The following SLC29A3 variants were observed in gnomAD, a reference collection of about 807,000 sequenced individuals.
SLC29A3 encodes equilibrative nucleoside transporter 3.
SLC29A3 carries 18 observed loss-of-function variants against 25.4 expected under a neutral mutation model. The observed-to-expected ratio is 0.71, with a 90% CI of 0.49 to 1.05. SLC29A3 has a LOEUF of 1.05. SLC29A3 is among the 50% of genes least tolerant of loss of function. The probability of loss-of-function intolerance (pLI) is 0.00; values close to 1 mark genes in which losing one functional copy is unlikely to be tolerated. For synonymous variants in SLC29A3, 258 were observed against 267.1 expected (o/e 0.97, Z 0.33); for missense variants, 586 against 609.0 (o/e 0.96, Z 0.40).
intron 3 of SLC29A3, among the ~76,000 whole-genome samples, chr10:71,372,331 A>T (rs1847218016): frequency 6.6e-6 from 1 of 152,214 alleles, no homozygotes; most frequent in Admixed American, 6.5e-5. Flanking sequence ...ACTAAGACTC[A>T]CATAGCTGCT....
chr10:71,377,233 G>C (rs1485618950), intron 4 of SLC29A3, among the ~76,000 whole-genome samples: 1 of 152,220 alleles, frequency 6.6e-6, no homozygotes, highest in African/African-American at 2.4e-5. Context: ...GATGCTCCCG[G>C]AAGATGCTCT....
intron 3 of SLC29A3, among the ~76,000 whole-genome samples, chr10:71,345,781 C>T (rs754393036): frequency 2.6e-5 from 4 of 152,194 alleles, no homozygotes; most frequent in South Asian, 2.1e-4. Context: ...GTCCCGGCTG[C>T]GCCTCGCAGG....
chr10:71,351,588 C>A lies in SLC29A3; in HGVS notation c.410C>A (p.Ala137Asp). Residue 137 changes from alanine (A) to aspartate (D), a missense_variant, in exon 4 of 6, where the codon GCC (alanine) becomes GAC (aspartate). Physicochemically the swap from Ala to Asp is moderately radical, Grantham distance 126. Transcript: ENST00000373189. ...NRVAVHIRVLASLTVILAIFM... is the reference protein window; with the variant it reads ...NRVAVHIRVLDSLTVILAIFM... ...GTTGCAGTCCACATCCGTGTCCTGGCCTCACTGACGGTCATCCTGGCCATC... is the reference window on the plus strand; with the variant it reads ...GTTGCAGTCCACATCCGTGTCCTGGACTCACTGACGGTCATCCTGGCCATC... The A allele has an allele frequency of 6.2e-7, 1 of 1,614,264 alleles. No individual in the cohort carries two copies. The highest frequency in any genetic ancestry group is 8.5e-7 in the Non-Finnish European group (1 of 1,180,050).
At chr10:71,363,625 C>T (rs914794239), downstream of SLC29A3, among the ~76,000 whole-genome samples, 4 of 151,404 alleles carry the variant, frequency 2.6e-5, no homozygotes, top group Non-Finnish European at 5.9e-5. Context: ...CACCATGCCT[C>T]GCTAATTTCT....
At chr10:71,321,101 A>G (rs1017582874) in intron 1 of SLC29A3, among the ~76,000 whole-genome samples, 3 of 152,202 alleles carry the variant, frequency 2.0e-5, no homozygotes, top group African/African-American at 7.2e-5. Flanking sequence ...GACCTCTGTT[A>G]GGCACAGACC....
Position 71,359,184 on chromosome 10 carries a change from A to T in SLC29A3, c.774-2770A>T, listed in dbSNP as rs7913610. 6.5e-3 allele frequency among the ~76,000 whole-genome samples: 983 copies of T among 152,216 alleles called. 10 individuals carry two copies. Among genetic ancestry groups the T allele is most frequent in the African/African-American group, 0.022 (934 of 41,542 alleles). ...TCAGCCTCCCAAAGTGCTGGGATTGATTACAGGCACGAGCCACTGTGCCTG... is the reference window on the plus strand; with the variant it reads ...TCAGCCTCCCAAAGTGCTGGGATTGTTTACAGGCACGAGCCACTGTGCCTG... On this transcript the variant is annotated intron_variant, in intron 5 of 5. Coordinates refer to ENST00000373189, the MANE Select transcript of SLC29A3 (RefSeq NM_018344.6).
At chr10:71,349,779 A>G (rs886457027) in intron 3 of SLC29A3, among the ~76,000 whole-genome samples, 1 of 152,076 alleles carries the variant, frequency 6.6e-6, no homozygotes, top group Non-Finnish European at 1.5e-5. Context: ...CTCCCTGAAC[A>G]TGCCTCACTC....
At chr10:71,328,424 C>T (rs960532535) in intron 2 of SLC29A3, among the ~76,000 whole-genome samples, 4 of 152,186 alleles carry the variant, frequency 2.6e-5, no homozygotes, top group African/African-American at 7.2e-5. Context: ...GGAGACCGAG[C>T]GCTGGCTGGG....
rs1305802694 is a variant in SLC29A3 at position 71,376,291 on chromosome 10, G to A, written c.*211+480G>A. ...GGCCCTCAGTAGCTGCCAGGCACCT[G>A]GCTAAGACTGAACATCCTCTTGTCA... On this transcript the variant is annotated intron_variant and NMD_transcript_variant, in intron 4 of 4. Coordinates refer to the SLC29A3 transcript ENST00000642772. Among the ~76,000 whole-genome samples, 4 of 152,300 alleles carry A rather than the reference G, an allele frequency of 2.6e-5. No homozygotes were observed. The East Asian group carries it at 7.7e-4, about 29-fold the overall frequency.
intron 4 of SLC29A3, among the ~76,000 whole-genome samples, chr10:71,352,398 A>G (rs1268375771): frequency 7.3e-5 from 11 of 151,590 alleles, no homozygotes. Context: ...AGTCGCAGCT[A>G]TTTTTGGATA....
chr10:71,347,333 C>T lies in SLC29A3; in HGVS notation c.383+3042C>T, dbSNP rs182720501. On this transcript the variant is annotated intron_variant, in intron 3 of 5. Coordinates refer to ENST00000373189, the MANE Select transcript of SLC29A3 (RefSeq NM_018344.6). ...CTCACGAGTCAGGGAGTCGGGGGAC[C>T]GGCAACCTGGGTACTGGAGGCAGCC... 1.1e-4 allele frequency among the ~76,000 whole-genome samples: 16 copies of T among 152,222 alleles called. 1 individual carries two copies. Among genetic ancestry groups the T allele is most frequent in the Admixed American group, 5.9e-4 (9 of 15,278 alleles).
At position 71,362,438 on chromosome 10, in the gene SLC29A3, T is replaced by G; in HGVS notation, c.1258T>G (p.Ser420Ala). 1.2e-6 allele frequency: 2 copies of G among 1,614,108 alleles called. No homozygotes were observed. Among genetic ancestry groups the G allele is most frequent in the Non-Finnish European group, 1.7e-6 (2 of 1,180,040 alleles). The change falls in exon 6 of 6, where the codon TCC becomes GCC. Residue 420 changes from serine to alanine, a missense_variant. By Grantham distance (99) the Ser-to-Ala change is moderately conservative. Transcript: ENST00000373189. ...CGATGTGTACCCCGCACTCCTCAGC[T>G]CCCTGCTGGGGCTCAGCAACGGCTA... ...QSDVYPALLSSLLGLSNGYLS... is the reference protein window; with the variant it reads ...QSDVYPALLSALLGLSNGYLS...
chr10:71,320,142 A>C (rs1017089144), intron 1 of SLC29A3, among the ~76,000 whole-genome samples: 8 of 152,228 alleles, frequency 5.3e-5, no homozygotes, highest in African/African-American at 1.4e-4. Context: ...TCAAGCCTTG[A>C]CAAATAGACG....
intron 2 of SLC29A3, among the ~76,000 whole-genome samples, chr10:71,334,946 CT>C (rs1221351168): frequency 2.3e-5 from 3 of 128,902 alleles, no homozygotes; most frequent in East Asian, 2.1e-4. Context: ...GCTGTTGACT[CT>C]TTTTTTTTCT....
Position 71,335,604 on chromosome 10 carries a change from C to T in SLC29A3, c.301-8605C>T, listed in dbSNP as rs528507618. 1.9e-4 allele frequency among the ~76,000 whole-genome samples: 29 copies of T among 152,118 alleles called. No individual in the cohort carries two copies. In the South Asian group the frequency reaches 4.4e-3, roughly 23 times the overall value. ...GAGCCATAGTCAGGTGATGTGGAGA[C>T]GGGGCCAGTAGATGTGATTGACTGG... On this transcript the variant is annotated intron_variant, in intron 2 of 5. Coordinates refer to ENST00000373189, the MANE Select transcript of SLC29A3 (RefSeq NM_018344.6).
At chr10:71,327,687 G>T (rs1038035500) in intron 2 of SLC29A3, among the ~76,000 whole-genome samples, 1 of 151,768 alleles carries the variant, frequency 6.6e-6, no homozygotes, top group Non-Finnish European at 1.5e-5. Context: ...GGTATGTAGG[G>T]TACTATCCTG....
intron 3 of SLC29A3, among the ~76,000 whole-genome samples, chr10:71,348,119 G>C (rs140452066): frequency 2.0e-5 from 3 of 152,318 alleles, no homozygotes; most frequent in African/African-American, 7.2e-5. Context: ...CCCCACCCCC[G>C]GGTGCTACTG....
rs777788050 is a variant in SLC29A3 at position 71,362,593 on chromosome 10, G to A, written c.1413G>A (p.Leu471=). The A allele has an allele frequency of 6.2e-6, 10 of 1,614,112 alleles. No homozygotes were observed. The highest frequency in any genetic ancestry group is 7.6e-6 in the Non-Finnish European group (9 of 1,180,034). The change falls in exon 6 of 6, where the codon CTG becomes CTA. Residue 471 remains leucine (L), a synonymous_variant. Coordinates refer to ENST00000373189, the MANE Select transcript of SLC29A3 (RefSeq NM_018344.6). ...LTLGSACSTL[L]VHLI is the part of the protein sequence containing the mutation. The stretch of plus-strand genomic sequence containing the variant: ...TGGGCTCAGCCTGCTCTACCCTCCT[G>A]GTGCACCTCATCTAGAAGGGAGGAC...
chr10:71,356,228 G>A lies in SLC29A3; in HGVS notation c.758G>A (p.Arg253Lys). ...LCMGLYLLLS[R>K]LEYARYYMRP... ...ATGGGACTCTACCTGCTGCTGTCCA[G>A]GCTGGAGTATGCCAGGTGAAGGTGC... The change falls in exon 5 of 6, where the codon AGG becomes AAG. Residue 253 changes from arginine to lysine, a missense_variant. By Grantham distance (26) the Arg-to-Lys change is conservative. Transcript: ENST00000373189. The A allele has an allele frequency of 4.3e-6, 7 of 1,613,806 alleles. No homozygotes were observed. Among genetic ancestry groups the A allele is most frequent in the Non-Finnish European group, 5.1e-6 (6 of 1,180,028 alleles).
Sources: gnomAD v4.1 joint callset for allele counts (sites outside exome capture counted in the v4.1 genomes callset) on GRCh38, gnomAD v4.1.1 for gene constraint, MANE v1.5 for transcripts, NCBI Gene and HGNC (gene_info 2026-07-23, HGNC 2026-07-21) for gene names.